The following SHQ1 variants were observed in gnomAD, a reference collection of about 807,000 sequenced individuals.
SHQ1 encodes protein SHQ1 homolog.
Under a neutral mutation model 53.8 loss-of-function variants are expected in SHQ1, and 49 were observed. That is an observed-to-expected ratio of 0.91 (90% CI 0.72 to 1.16). SHQ1 has a LOEUF of 1.16. Ranked by LOEUF, SHQ1 falls within the 50% of genes most tolerant of loss-of-function variation. The probability of loss-of-function intolerance (pLI) is 0.00; values close to 1 mark genes in which losing one functional copy is unlikely to be tolerated. For synonymous variants in SHQ1, 243 were observed against 251.0 expected (o/e 0.97, Z 0.30); for missense variants, 738 against 683.1 (o/e 1.08, Z -0.90).
intron 9 of SHQ1, among the ~76,000 whole-genome samples, chr3:72,804,710 T>C (rs377757592): frequency 6.6e-6 from 1 of 152,206 alleles, no homozygotes; most frequent in Non-Finnish European, 1.5e-5. Context: ...AAACTTTAAG[T>C]TGGGATATGG....
At chr3:72,815,235 G>C (rs1429364016) in intron 8 of SHQ1, 115 bp downstream of exon 8, 3 of 805,946 alleles carry the variant, frequency 3.7e-6, no homozygotes, top group African/African-American at 3.5e-5. Flanking sequence ...TTGTACAATA[G>C]AGCTTCTACT....
chr3:72,812,522 A>C, intron 9 of SHQ1, 149 bp downstream of exon 9: 1 of 794,328 alleles, frequency 1.3e-6, no homozygotes, highest in South Asian at 1.8e-5. Flanking sequence ...TGTCTTATAC[A>C]CAGGAATTCT....
chr3:72,781,248 G>T (rs948683990), intron 10 of SHQ1, among the ~76,000 whole-genome samples: 9 of 151,936 alleles, frequency 5.9e-5, no homozygotes, highest in African/African-American at 1.7e-4. Context: ...TAGAGATGGG[G>T]TTTCACCATG....
At chr3:72,795,355 G>C (rs1015053905) in intron 9 of SHQ1, 7 of 152,206 alleles carry the variant, frequency 4.6e-5, no homozygotes, top group Non-Finnish European at 1.0e-4. Context: ...CAAATGATTA[G>C]TGTGGATCAC....
intron 10 of SHQ1, among the ~76,000 whole-genome samples, chr3:72,754,302 T>C (rs1705453011): frequency 6.6e-6 from 1 of 151,658 alleles, no homozygotes; most frequent in South Asian, 2.1e-4. Flanking sequence ...GCCTCAAAAC[T>C]CCAGCCCTCT....
chr3:72,755,234 C>T (rs554970108), intron 10 of SHQ1, among the ~76,000 whole-genome samples: 1 of 151,700 alleles, frequency 6.6e-6, no homozygotes, highest in South Asian at 2.1e-4. Flanking sequence ...CCAGGTTATA[C>T]AATAAGTTGA....
chr3:72,768,215 C>A (rs1367060027), intron 10 of SHQ1, among the ~76,000 whole-genome samples: 1 of 152,178 alleles, frequency 6.6e-6, no homozygotes, highest in Admixed American at 6.5e-5. Flanking sequence ...AAACATTACA[C>A]AAATCGCTGA....
chr3:72,790,028 G>A (rs1454037891), intron 10 of SHQ1, among the ~76,000 whole-genome samples: 1 of 152,108 alleles, frequency 6.6e-6, no homozygotes, highest in Non-Finnish European at 1.5e-5. Flanking sequence ...ACTTTCTAAG[G>A]CTGCCAACCA....
intron 2 of SHQ1, among the ~76,000 whole-genome samples, chr3:72,843,198 C>T (rs1390083596): frequency 2.0e-5 from 3 of 151,964 alleles, no homozygotes; most frequent in Admixed American, 6.6e-5. Context: ...AATCAATGGC[C>T]TAAGAAGGTA....
At chr3:72,772,840 T>C (rs918607853) in intron 10 of SHQ1, 3 of 771,510 alleles carry the variant, frequency 3.9e-6, no homozygotes, top group Non-Finnish European at 7.2e-6. Flanking sequence ...TGAGCCTATA[T>C]CTAAAGTTGC....
intron 10 of SHQ1, among the ~76,000 whole-genome samples, chr3:72,762,866 G>C (rs1400307252): frequency 6.6e-6 from 1 of 151,942 alleles, no homozygotes; most frequent in Non-Finnish European, 1.5e-5. Flanking sequence ...GTAGAGACAG[G>C]GTTTCACCAT....
chr3:72,841,739 G>C (rs1057336089), intron 3 of SHQ1, among the ~76,000 whole-genome samples: 1 of 152,138 alleles, frequency 6.6e-6, no homozygotes, highest in African/African-American at 2.4e-5. Flanking sequence ...TAGTTTTGGG[G>C]GATGAAACTG....
At chr3:72,735,356 C>T in the SHQ1 span, among the ~76,000 whole-genome samples, 3 of 146,178 alleles carry the variant, frequency 2.1e-5, no homozygotes, top group Non-Finnish European at 3.0e-5. Context: ...CATCCTAGCT[C>T]GAGGCTTGTT....
intron 10 of SHQ1, among the ~76,000 whole-genome samples, chr3:72,758,823 T>C (rs1705554990): frequency 6.6e-6 from 1 of 152,162 alleles, no homozygotes; most frequent in Non-Finnish European, 1.5e-5. Context: ...TGCCTTGGCC[T>C]TCCAAAGAGC....
intron 10 of SHQ1, among the ~76,000 whole-genome samples, chr3:72,787,038 T>C (rs1448258359): frequency 1.3e-5 from 2 of 152,234 alleles, no homozygotes; most frequent in African/African-American, 4.8e-5. Flanking sequence ...TTAAGCTTTC[T>C]AAAATTTTAG....
At chr3:72,789,119 A>AT (rs1706354029) in intron 10 of SHQ1, among the ~76,000 whole-genome samples, 1 of 152,030 alleles carries the variant, frequency 6.6e-6, no homozygotes, top group African/African-American at 2.4e-5. Flanking sequence ...CTTGTTACAT[A>AT]TTTAAAAAAT....
the SHQ1 span, among the ~76,000 whole-genome samples, chr3:72,744,030 C>G: frequency 2.6e-5 from 4 of 152,152 alleles, no homozygotes; most frequent in East Asian, 7.7e-4. Flanking sequence ...TGGGAAAACA[C>G]AAAGCATGTA....
At chr3:72,843,882 C>T (rs1301770298) in intron 2 of SHQ1, among the ~76,000 whole-genome samples, 4 of 152,162 alleles carry the variant, frequency 2.6e-5, no homozygotes, top group African/African-American at 7.2e-5. Context: ...TAAATGGGTT[C>T]ATGGCTAGCT....
At chr3:72,807,200 G>A (rs1706979196) in intron 9 of SHQ1, among the ~76,000 whole-genome samples, 1 of 152,154 alleles carries the variant, frequency 6.6e-6, no homozygotes, top group South Asian at 2.1e-4. Context: ...TGTCTTCAGT[G>A]ACTTAAATGT....
Sources: allele counts gnomAD v4.1 joint callset (sites outside exome capture counted in the v4.1 genomes callset), GRCh38; gene constraint gnomAD v4.1.1; transcripts MANE v1.5; gene names NCBI Gene and HGNC (gene_info 2026-07-23, HGNC 2026-07-21).